PCDHA4: variants seen among roughly 807,000 people sequenced by gnomAD.
The protein encoded by PCDHA4 is protocadherin alpha-4.
In PCDHA4, 49 loss-of-function variants were observed where a neutral mutation model predicts 61.4. That is an observed-to-expected ratio of 0.80 (90% CI 0.63 to 1.01). The LOEUF (loss-of-function observed/expected upper bound fraction) is 1.01, where lower values mean the gene tolerates loss of function less well. PCDHA4 is among the 50% of genes least tolerant of loss of function. The probability of loss-of-function intolerance (pLI) is 0.00; values close to 1 mark genes in which losing one functional copy is unlikely to be tolerated. For synonymous variants in PCDHA4, 590 were observed against 550.3 expected (o/e 1.07, Z -1.01); for missense variants, 1,254 against 1,235.8 (o/e 1.01, Z -0.22).
intron 1 of PCDHA4, chr5:140,861,215 A>G (rs77020201): frequency 0.081 from 13,442 of 165,830 alleles, 594 homozygotes; most frequent in Middle Eastern, 0.11. Flanking sequence ...TAACCAAAAG[A>G]GAGGCATAAT....
chr5:140,848,364 G>C lies in PCDHA4; in HGVS notation c.2385+38792G>C, dbSNP rs916399183. On this transcript the variant is annotated intron_variant, in intron 1 of 3. Transcript: ENST00000530339. ...AATACAGCCCTTTTCCCATGGGAAA[G>C]AGGCTCAATTCTTTTTCACTCTCTC... 35 of 1,077,596 alleles carry C rather than the reference G, an allele frequency of 3.2e-5. 3 individuals are homozygous for C. Among genetic ancestry groups the C allele is most frequent in the African/African-American group, 4.7e-5 (3 of 63,656 alleles). 66.8% of individuals were successfully genotyped at this position (1,077,596 alleles called of 1,614,324 possible). A position where few individuals can be genotyped will look rare whatever the true frequency, so the allele number is the denominator to read the frequency against.
chr5:140,992,352 G>C (rs1554252825), intron 3 of PCDHA4, among the ~76,000 whole-genome samples: 1 of 152,162 alleles, frequency 6.6e-6, no homozygotes, highest in African/African-American at 2.4e-5. Context: ...TGTGGAGAGA[G>C]GAGAAAAATG....
rs370989006 is a variant in PCDHA4 at position 141,009,739 on chromosome 5, C to T, written c.2646C>T (p.Pro882=). The change falls in exon 4 of 4, where the codon CCC becomes CCT. Residue 882 remains proline (P), a synonymous_variant. Transcript: ENST00000530339. ...AACAATCCGGTCCCGGTGAGTTGCC[C>T]GACAAATTCATTATCCCAGGATCTC... ...NPKQSGPGEL[P]DKFIIPGSPA... is the part of the protein sequence containing the mutation. 55 of 1,614,008 alleles carry T rather than the reference C, an allele frequency of 3.4e-5. No homozygotes were observed. Among genetic ancestry groups the T allele is most frequent in the African/African-American group, 2.4e-4 (18 of 74,972 alleles).
At chr5:140,928,625 A>C in intron 1 of PCDHA4, 1 of 1,614,224 alleles carries the variant, frequency 6.2e-7, no homozygotes, top group Non-Finnish European at 8.5e-7. Flanking sequence ...AGGACTGGAC[A>C]CTTGGTCACA....
chr5:140,863,401 CCCACGCTGGTGT>C, intron 1 of PCDHA4: 2 of 854,408 alleles, frequency 2.3e-6, no homozygotes, highest in East Asian at 4.2e-5. Flanking sequence ...GCCGGGCAAG[CCCACGCTGGTGT>C]ACCGCAGCGT....
rs782673373 is a variant in PCDHA4 at position 140,858,110 on chromosome 5, G to T, written c.2385+48538G>T. The T allele has an allele frequency of 6.9e-6, 11 of 1,597,760 alleles. No homozygotes were observed. The East Asian group carries it at 2.2e-4, about 32-fold the overall frequency. ...GCGGGCTTCAGTGGGCGTGGCGCCC[G>T]AGGTGGCCCTGGTGGATGTCAACGT... On this transcript the variant is annotated intron_variant, in intron 1 of 3. Coordinates refer to ENST00000530339, the MANE Select transcript of PCDHA4 (RefSeq NM_018907.4).
chr5:140,870,504 C>G (rs782464928), intron 1 of PCDHA4: 18 of 1,614,232 alleles, frequency 1.1e-5, no homozygotes, highest in Non-Finnish European at 3.4e-6. Context: ...AGGAGAACAA[C>G]CCACCAGGCT....
intron 1 of PCDHA4, chr5:140,834,534 G>T (rs1554134303): frequency 5.6e-6 from 9 of 1,614,094 alleles, no homozygotes; most frequent in South Asian, 1.1e-5. Flanking sequence ...CATCGCGCAG[G>T]ACCTGGGGCT....
intron 1 of PCDHA4, among the ~76,000 whole-genome samples, chr5:140,892,776 T>C (rs2063665865): frequency 6.6e-6 from 1 of 152,224 alleles, no homozygotes; most frequent in East Asian, 1.9e-4. Flanking sequence ...TTCTAGCTTC[T>C]TGAAAATATG....
In PCDHA4 at chr5:140,858,048, C is replaced by G. The variant is rs1203574330; in HGVS notation, c.2385+48476C>G. 9.4e-6 allele frequency: 15 copies of G among 1,597,302 alleles called. 2 individuals carry two copies. Among genetic ancestry groups the G allele is most frequent in the Non-Finnish European group, 1.2e-5 (14 of 1,167,436 alleles). On this transcript the variant is annotated intron_variant, in intron 1 of 3. Transcript: ENST00000530339. ...ACGGCCACGGCCACTGTGCTTGTGT[C>G]GCTTGTGGAGGGCAGCCAGGCACCC...
intron 1 of PCDHA4, chr5:140,870,316 T>C (rs1178506832): frequency 1.2e-6 from 2 of 1,614,126 alleles, no homozygotes; most frequent in Admixed American, 3.3e-5. Context: ...GAATTACTAC[T>C]CGTTGGTGCT....
chr5:141,006,992 A>C (rs1187318452), intron 3 of PCDHA4, among the ~76,000 whole-genome samples: 3 of 152,196 alleles, frequency 2.0e-5, no homozygotes, highest in Non-Finnish European at 2.9e-5. Flanking sequence ...GGCTTAAAAT[A>C]TAAGTCTGCA....
chr5:140,912,889 G>T (rs782116758), intron 1 of PCDHA4, among the ~76,000 whole-genome samples: 8 of 152,140 alleles, frequency 5.3e-5, no homozygotes, highest in Non-Finnish European at 1.2e-4. Context: ...TCATTCTGTT[G>T]ATATGATGTA....
chr5:140,823,629 C>T, intron 1 of PCDHA4: 1 of 1,614,064 alleles, frequency 6.2e-7, no homozygotes, highest in Non-Finnish European at 8.5e-7. Flanking sequence ...GCAGTGCGCG[C>T]ATCCCGTTCC....
intron 1 of PCDHA4, among the ~76,000 whole-genome samples, chr5:140,907,826 C>T (rs1448630927): frequency 6.6e-6 from 1 of 152,192 alleles, no homozygotes; most frequent in Non-Finnish European, 1.5e-5. Context: ...TCATCCTATC[C>T]ACTTGTTTAT....
chr5:140,875,578 T>C lies in PCDHA4; in HGVS notation c.2385+66006T>C, dbSNP rs534589966. 6 of 1,614,098 alleles carry C rather than the reference T, an allele frequency of 3.7e-6. No homozygotes were observed. Among genetic ancestry groups the C allele is most frequent in the East Asian group, 4.5e-5 (2 of 44,882 alleles). On this transcript the variant is annotated intron_variant, in intron 1 of 3. Coordinates refer to ENST00000530339, the MANE Select transcript of PCDHA4 (RefSeq NM_018907.4). ...GAGCGGCCAGCTCCACTACTCCGTC[T>C]ACGAGGAGGCCAAACACGGCACCTT... is the stretch of plus-strand genomic sequence containing the variant.
At chr5:140,836,425 G>T (rs2150260582) in intron 1 of PCDHA4, 4 of 1,613,790 alleles carry the variant, frequency 2.5e-6, no homozygotes, top group African/African-American at 1.3e-5. Context: ...GCGTCGTCGC[G>T]GGCATCGTTG....
intron 1 of PCDHA4, chr5:140,884,197 G>A (rs146010500): frequency 3.1e-6 from 5 of 1,613,234 alleles, no homozygotes; most frequent in Non-Finnish European, 4.2e-6. Context: ...TGGACGCGCC[G>A]CACCACCGCC....
intron 1 of PCDHA4, among the ~76,000 whole-genome samples, chr5:140,942,875 C>A (rs1003014974): frequency 2.0e-5 from 3 of 151,896 alleles, no homozygotes; most frequent in African/African-American, 7.3e-5. Flanking sequence ...AGCATGACAA[C>A]TTTTTTCCTA....
Sources: allele counts gnomAD v4.1 joint callset (sites outside exome capture counted in the v4.1 genomes callset), GRCh38; gene constraint gnomAD v4.1.1; transcripts MANE v1.5; gene names NCBI Gene and HGNC (gene_info 2026-07-23, HGNC 2026-07-21).